ACYP2: variants seen among roughly 807,000 people sequenced by gnomAD.
ACYP2 encodes the protein acylphosphatase-2.
ACYP2 carries 12 observed loss-of-function variants against 11.2 expected under a neutral mutation model. The observed-to-expected ratio is 1.08, with a 90% CI of 0.69 to 1.74. The LOEUF is 1.74. Ranked by LOEUF, ACYP2 falls within the 40% of genes most tolerant of loss-of-function variation. ACYP2 has a pLI of 0.00. For missense variants in ACYP2, 134 were observed against 101.9 expected (o/e 1.31, Z -1.35); for synonymous variants, 43 against 32.2 (o/e 1.33, Z -1.13).
At chr2:54,223,139 T>C (rs1475518973) in intron 6 of ACYP2, 4 of 152,184 alleles carry the variant, frequency 2.6e-5, no homozygotes, top group Admixed American at 1.3e-4. Flanking sequence ...GAGATTCTCT[T>C]GGGAAACAGC....
At chr2:54,182,849 C>T (rs1312920470) in intron 6 of ACYP2, among the ~76,000 whole-genome samples, 1 of 152,134 alleles carries the variant, frequency 6.6e-6, no homozygotes, top group Admixed American at 6.5e-5. Flanking sequence ...GGGGCAGATC[C>T]AGGTTTCACA....
intron 2 of ACYP2, among the ~76,000 whole-genome samples, chr2:54,001,541 A>C (rs1312607440): frequency 6.6e-6 from 1 of 151,996 alleles, no homozygotes; most frequent in African/African-American, 2.4e-5. Context: ...TTACAGGTGC[A>C]TGCCACCAAG....
chr2:54,029,496 A>C, intron 2 of ACYP2: 1 of 375,740 alleles, frequency 2.7e-6, no homozygotes, highest in African/African-American at 2.1e-5. Context: ...GCATGAATTC[A>C]TAGGGAAGTG....
intron 6 of ACYP2, among the ~76,000 whole-genome samples, chr2:54,280,264 A>C (rs773010939): frequency 1.3e-5 from 2 of 152,176 alleles, no homozygotes; most frequent in African/African-American, 2.4e-5. Flanking sequence ...AGAGGACATC[A>C]TGGTTGATTG....
chr2:54,030,391 G>C lies in ACYP2; in HGVS notation c.63-20567G>C, dbSNP rs1256965182. 3.3e-5 allele frequency among the ~76,000 whole-genome samples: 5 copies of C among 152,266 alleles called. No individual in the cohort carries two copies. The East Asian group carries it at 5.8e-4, about 18-fold the overall frequency. On this transcript the variant is annotated intron_variant, in intron 2 of 6. Transcript: ENST00000607452. The stretch of plus-strand genomic sequence containing the variant: ...CAGGTTAGGGAGAAGCCCATGCAAG[G>C]CTCCTACTGACCATATGTTTCATTT...
chr2:54,212,584 A>C (rs1458351633), intron 6 of ACYP2, among the ~76,000 whole-genome samples: 4 of 152,224 alleles, frequency 2.6e-5, no homozygotes, highest in African/African-American at 9.6e-5. Context: ...ATGAATACAA[A>C]GAAAATGGCT....
chr2:54,088,901 T>G (rs1343163171), intron 4 of ACYP2, among the ~76,000 whole-genome samples: 1 of 152,232 alleles, frequency 6.6e-6, no homozygotes, highest in Non-Finnish European at 1.5e-5. Context: ...TAAAACATTC[T>G]ATTCTATCTG....
intron 2 of ACYP2, among the ~76,000 whole-genome samples, chr2:54,029,341 G>T (rs186826207): frequency 6.6e-6 from 1 of 151,822 alleles, no homozygotes; most frequent in East Asian, 1.9e-4. Flanking sequence ...TGTTTACCTT[G>T]ATGACCTACC....
intron 2 of ACYP2, among the ~76,000 whole-genome samples, chr2:54,026,903 G>C (rs1164327590): frequency 6.6e-6 from 1 of 152,124 alleles, no homozygotes; most frequent in Non-Finnish European, 1.5e-5. Context: ...TAGGGACTTG[G>C]GGGGAAGGGT....
At chr2:54,057,207 T>G (rs1430584481) in intron 3 of ACYP2, 1 of 397,280 alleles carries the variant, frequency 2.5e-6, no homozygotes, top group Non-Finnish European at 4.4e-6. Context: ...TGATGAACTT[T>G]TTCTTACTGT....
chr2:53,972,463 C>G (rs989879415), intron 1 of ACYP2, among the ~76,000 whole-genome samples: 74 of 151,668 alleles, frequency 4.9e-4, no homozygotes, highest in Non-Finnish European at 1.2e-4. Flanking sequence ...AAAAATTAGC[C>G]GGGCATGGTG....
At chr2:54,220,242 C>G (rs1685747272) in intron 6 of ACYP2, among the ~76,000 whole-genome samples, 1 of 152,024 alleles carries the variant, frequency 6.6e-6, no homozygotes, top group African/African-American at 2.4e-5. Flanking sequence ...AATATTGTAT[C>G]AGCATATTTT....
Position 54,156,064 on chromosome 2 carries a change from A to G in ACYP2, c.404+17316A>G, listed in dbSNP as rs191265740. On this transcript the variant is annotated intron_variant, in intron 6 of 6. Coordinates refer to ENST00000607452, the MANE Select transcript of ACYP2 (RefSeq NM_001320586.2). ...ATATATGCCAGGCACTGTTTTTGGT[A>G]CCTGACCTAGAGAAAGTTCCATGTG... Among the ~76,000 whole-genome samples the G allele has an allele frequency of 2.7e-3, 407 of 152,256 alleles. 1 individual carries two copies. The highest frequency in any genetic ancestry group is 8.2e-3 in the African/African-American group (340 of 41,558).
chr2:54,178,542 A>C (rs1050398035), intron 6 of ACYP2, among the ~76,000 whole-genome samples: 2 of 152,222 alleles, frequency 1.3e-5, no homozygotes, highest in East Asian at 3.8e-4. Context: ...TCTTCATTAA[A>C]ACAGCTAAAC....
At chr2:54,050,547 G>GAAA (rs58128669) in intron 2 of ACYP2, among the ~76,000 whole-genome samples, 1 of 83,196 alleles carries the variant, frequency 1.2e-5, no homozygotes, top group Non-Finnish European at 2.6e-5. Context: ...CCCCATCCCT[G>GAAA]AAAAAAAAAA....
At chr2:54,117,498 G>T (rs1217975067) in intron 4 of ACYP2, among the ~76,000 whole-genome samples, 5 of 152,148 alleles carry the variant, frequency 3.3e-5, no homozygotes, top group African/African-American at 1.2e-4. Flanking sequence ...GGTCTCTGTT[G>T]CCCAGGCAAG....
chr2:54,021,386 G>A (rs1289261963), intron 2 of ACYP2, among the ~76,000 whole-genome samples: 1 of 152,110 alleles, frequency 6.6e-6, no homozygotes, highest in African/African-American at 2.4e-5. Flanking sequence ...TGAAGAACAG[G>A]GGAGCTGAAC....
intron 4 of ACYP2, among the ~76,000 whole-genome samples, chr2:54,081,528 A>C (rs754960872): frequency 1.3e-5 from 2 of 152,196 alleles, no homozygotes; most frequent in Non-Finnish European, 2.9e-5. Context: ...GCCCAGGAAC[A>C]ATCAGCTATA....
intron 2 of ACYP2, among the ~76,000 whole-genome samples, chr2:54,010,737 CTTTTTTTTTTT>C (rs539896151): frequency 0.065 from 6,940 of 107,566 alleles, 217 homozygotes; most frequent in Middle Eastern, 0.19. Context: ...TTCTTTCTTT[CTTTTTTTTTTT>C]TTTTTTTTTT....
Sources: allele counts gnomAD v4.1 joint callset (sites outside exome capture counted in the v4.1 genomes callset), GRCh38; gene constraint gnomAD v4.1.1; transcripts MANE v1.5; gene names NCBI Gene and HGNC (gene_info 2026-07-23, HGNC 2026-07-21).